The following ABCB1 variants were observed in gnomAD, a reference collection of about 807,000 sequenced individuals.
ABCB1 encodes the protein ATP binding cassette subfamily B member 1.
A neutral mutation model predicts 142.0 loss-of-function variants in ABCB1; 69 were observed. That is an observed-to-expected ratio of 0.49 (90% CI 0.40 to 0.59). ABCB1 has a LOEUF of 0.59. Among genes scored for constraint, ABCB1 ranks in the 20% least tolerant of loss-of-function variants. The probability of loss-of-function intolerance (pLI) is 0.00; values close to 1 mark genes in which losing one functional copy is unlikely to be tolerated. For synonymous variants in ABCB1, 532 were observed against 539.2 expected, an observed-to-expected ratio of 0.99 and a Z score of 0.18; for missense variants, 1,326 against 1,554.7, an observed-to-expected ratio of 0.85 and a Z score of 2.47.
At chr7:87,542,184 AC>A (rs1241124013) in intron 17 of ABCB1, among the ~76,000 whole-genome samples, 2 of 152,232 alleles carry the variant, frequency 1.3e-5, no homozygotes, top group Non-Finnish European at 2.9e-5. Context: ...TCATAAAAAA[AC>A]AAACAAATAA....
intron 17 of ABCB1, 22 bp from the exon 18 acceptor site, chr7:87,541,486 A>C (rs1563042615): frequency 6.6e-7 from 1 of 1,516,312 alleles, no homozygotes; most frequent in Admixed American, 1.7e-5. Context: ...CATTTAAAGG[A>C]TTTTTAGTTC....
intron 1 of ABCB1, among the ~76,000 whole-genome samples, chr7:87,647,588 T>C (rs1403467323): frequency 6.6e-6 from 1 of 152,202 alleles, no homozygotes; most frequent in African/African-American, 2.4e-5. Flanking sequence ...ATGCAGGCAG[T>C]TCTTACTTTG....
intron 1 of ABCB1, among the ~76,000 whole-genome samples, chr7:87,626,017 T>TAG (rs1554443964): frequency 7.2e-6 from 1 of 138,732 alleles, no homozygotes; most frequent in African/African-American, 2.9e-5. Flanking sequence ...TACATATATA[T>TAG]ATATATAGAG....
At chr7:87,575,820 A>G (rs911208814) in intron 4 of ABCB1, among the ~76,000 whole-genome samples, 3 of 152,192 alleles carry the variant, frequency 2.0e-5, no homozygotes, top group Non-Finnish European at 4.4e-5. Flanking sequence ...CACACTAAAA[A>G]TCAAACTTAC....
At chr7:87,661,269 ATTATACTC>A (rs1176842043) in intron 1 of ABCB1, among the ~76,000 whole-genome samples, 1 of 151,886 alleles carries the variant, frequency 6.6e-6, no homozygotes, top group Non-Finnish European at 1.5e-5. Flanking sequence ...AAACAATTCA[ATTATACTC>A]TTTTAGTTAT....
At chr7:87,556,663 G>A (rs57924923) in intron 8 of ABCB1, among the ~76,000 whole-genome samples, 19,057 of 152,050 alleles carry the variant, frequency 0.13, 1,823 homozygotes, top group African/African-American at 0.27. Flanking sequence ...CCATTCTGCC[G>A]GCCTCCCCAC....
intron 1 of ABCB1, among the ~76,000 whole-genome samples, chr7:87,706,706 T>C (rs999242931): frequency 6.6e-6 from 1 of 151,984 alleles, no homozygotes. Context: ...GTTGTGGAGG[T>C]GGAGATTTTT....
rs186010789 is a variant in ABCB1 at position 87,546,311 on chromosome 7, G to T, written c.1726-287C>A. On this transcript the variant is annotated intron_variant, in intron 14 of 27. Coordinates refer to ENST00000622132, the MANE Select transcript of ABCB1 (RefSeq NM_001348946.2). ...GCAGTAATAATCAGGGGCTTGGGCC[G>T]GGCGTGGTGGCTCACGCCTGTAATC... 5.3e-5 allele frequency among the ~76,000 whole-genome samples: 8 copies of T among 152,136 alleles called. 1 individual carries two copies. In the South Asian group the frequency reaches 1.7e-3, roughly 32 times the overall value.
intron 27 of ABCB1, among the ~76,000 whole-genome samples, 182 bp from the exon 28 acceptor site, chr7:87,504,631 C>A (rs1186745): frequency 0.13 from 19,282 of 152,022 alleles, 1,386 homozygotes; most frequent in Admixed American, 0.19. Flanking sequence ...CGGTGAAACC[C>A]CATCTCTATC....
intron 1 of ABCB1, among the ~76,000 whole-genome samples, chr7:87,606,782 CTGTATTTGAGAAATTTCCTATATTAAAAG>C (rs1209687724): frequency 1.3e-5 from 2 of 151,770 alleles, no homozygotes; most frequent in Non-Finnish European, 2.9e-5. Context: ...TTAATTTTTT[CTGTATTTGAGAAATTTCCTATATTAAAAG>C]TGTATTATTT....
intron 1 of ABCB1, among the ~76,000 whole-genome samples, chr7:87,659,640 A>G (rs765306278): frequency 6.6e-6 from 1 of 152,136 alleles, no homozygotes; most frequent in Non-Finnish European, 1.5e-5. Flanking sequence ...TCCTGTATTT[A>G]TAGTGTAGAT....
intron 26 of ABCB1, 151 bp from the exon 27 acceptor site, chr7:87,506,194 T>TA: frequency 2.7e-6 from 2 of 751,700 alleles, no homozygotes; most frequent in Non-Finnish European, 4.3e-6. Context: ...GAAAGAACAG[T>TA]AAAAAAGCCC....
At chr7:87,543,882 C>T (rs1816653416) in intron 17 of ABCB1, among the ~76,000 whole-genome samples, 1 of 152,198 alleles carries the variant, frequency 6.6e-6, no homozygotes. Context: ...CTTTCATTGA[C>T]TATTTCAGGA....
intron 1 of ABCB1, among the ~76,000 whole-genome samples, chr7:87,648,443 G>C (rs1220159354): frequency 4.6e-5 from 7 of 151,984 alleles, no homozygotes; most frequent in Non-Finnish European, 1.5e-5. Flanking sequence ...TCACATTAAA[G>C]GGCTTCTCAG....
At chr7:87,542,810 T>C (rs1254103392) in intron 17 of ABCB1, among the ~76,000 whole-genome samples, 1 of 152,192 alleles carries the variant, frequency 6.6e-6, no homozygotes, top group Non-Finnish European at 1.5e-5. Context: ...TTCATTCATT[T>C]CCACATTGCT....
chr7:87,636,780 A>G (rs1327408120), intron 1 of ABCB1, among the ~76,000 whole-genome samples: 1 of 152,188 alleles, frequency 6.6e-6, no homozygotes, highest in Non-Finnish European at 1.5e-5. Flanking sequence ...CTGACCTAGT[A>G]CCATTTATTG....
At chr7:87,523,631 G>A (rs1815639125) in intron 21 of ABCB1, among the ~76,000 whole-genome samples, 1 of 152,122 alleles carries the variant, frequency 6.6e-6, no homozygotes, top group East Asian at 1.9e-4. Flanking sequence ...TAAAAAGAAA[G>A]TTTCCATCAT....
At chr7:87,580,299 G>T (rs1019438676) in intron 4 of ABCB1, among the ~76,000 whole-genome samples, 16 of 152,260 alleles carry the variant, frequency 1.1e-4, no homozygotes, top group Admixed American at 3.3e-4. Flanking sequence ...CTTCATGTTT[G>T]AAGGATATTT....
chr7:87,555,563 C>T (rs1817271594), intron 8 of ABCB1, among the ~76,000 whole-genome samples: 1 of 152,200 alleles, frequency 6.6e-6, no homozygotes, highest in Admixed American at 6.5e-5. Context: ...ATTTACATCA[C>T]TACCGTGTTC....
Sources: gnomAD v4.1 joint callset for allele counts (sites outside exome capture counted in the v4.1 genomes callset) on GRCh38, gnomAD v4.1.1 for gene constraint, MANE v1.5 for transcripts, NCBI Gene and HGNC (gene_info 2026-07-23, HGNC 2026-07-21) for gene names.